The following KDM4C variants were observed in gnomAD, a reference collection of about 807,000 sequenced individuals.
The protein encoded by KDM4C is lysine demethylase 4C, also known as lysine-specific demethylase 4C.
KDM4C carries 81 observed loss-of-function variants against 129.3 expected under a neutral mutation model. The ratio of observed to expected loss-of-function variants is 0.63; its 90% CI spans 0.52 to 0.75. The LOEUF is 0.75. Ranked by LOEUF, KDM4C falls within the 30% of genes least tolerant of loss-of-function variation. The pLI is 0.00. For missense variants in KDM4C, 1,457 were observed against 1,304.0 expected, an observed-to-expected ratio of 1.12 and a Z score of -1.81; for synonymous variants, 573 against 456.1, an observed-to-expected ratio of 1.26 and a Z score of -3.26.
chr9:7,044,578 T>G (rs574254701), intron 15 of KDM4C, among the ~76,000 whole-genome samples: 1 of 151,790 alleles, frequency 6.6e-6, no homozygotes, highest in Non-Finnish European at 1.5e-5. Flanking sequence ...AGAGGAAAAA[T>G]GTGTCCTCCA....
intron 8 of KDM4C, among the ~76,000 whole-genome samples, chr9:6,949,989 T>A (rs923214728): frequency 6.6e-6 from 1 of 151,490 alleles, no homozygotes; most frequent in African/African-American, 2.4e-5. Context: ...GCCCAAGGAG[T>A]CACATTTCTT....
intron 1 of KDM4C, among the ~76,000 whole-genome samples, chr9:6,789,516 G>A (rs959053089): frequency 6.6e-6 from 1 of 151,838 alleles, no homozygotes; most frequent in African/African-American, 2.4e-5. Flanking sequence ...CACTGTGCCC[G>A]GCCACGCCCA....
At position 6,797,487 on chromosome 9, in the gene KDM4C, A is replaced by T. The variant is rs181563907; in HGVS notation, c.144+4355A>T. On this transcript the variant is annotated intron_variant, in intron 2 of 21. Coordinates refer to ENST00000381309, the MANE Select transcript of KDM4C (RefSeq NM_015061.6). ...AGGTTTGACACTTTGACTGTCTACAAAGTTGATGGTCAGGTTGCGAAAGTG... is the reference window on the plus strand; with the variant it reads ...AGGTTTGACACTTTGACTGTCTACATAGTTGATGGTCAGGTTGCGAAAGTG... Among the ~76,000 whole-genome samples, 29 of 152,280 alleles carry T rather than the reference A, an allele frequency of 1.9e-4. No individual in the cohort carries two copies. In the East Asian group the frequency reaches 2.5e-3, roughly 13 times the overall value.
intron 4 of KDM4C, among the ~76,000 whole-genome samples, chr9:6,831,801 C>G (rs1014501780): frequency 6.6e-6 from 1 of 152,126 alleles, no homozygotes; most frequent in Non-Finnish European, 1.5e-5. Flanking sequence ...AAGCTCTACT[C>G]AGTGATGACC....
At chr9:6,810,951 A>T (rs1477139055) in intron 3 of KDM4C, among the ~76,000 whole-genome samples, 1 of 152,192 alleles carries the variant, frequency 6.6e-6, no homozygotes, top group Non-Finnish European at 1.5e-5. Flanking sequence ...TTGTAATGTT[A>T]AACAACTTTT....
chr9:6,801,830 C>T (rs1287311892), intron 2 of KDM4C, among the ~76,000 whole-genome samples: 10 of 152,086 alleles, frequency 6.6e-5, no homozygotes, highest in South Asian at 6.2e-4. Context: ...GTGAGCTGGG[C>T]GCGGTGGCTC....
intron 11 of KDM4C, among the ~76,000 whole-genome samples, chr9:6,989,649 A>G (rs1379610984): frequency 6.6e-6 from 1 of 152,022 alleles, no homozygotes; most frequent in Non-Finnish European, 1.5e-5. Flanking sequence ...AATGGAAAGA[A>G]GTGTTGCAGT....
rs150248846 is a variant in KDM4C, at chr9:7,108,306, G to A, written c.2610+4436G>A. 1.8e-3 allele frequency among the ~76,000 whole-genome samples: 267 copies of A among 152,084 alleles called. 1 individual carries two copies. The highest frequency in any genetic ancestry group is 6.0e-3 in the African/African-American group (250 of 41,498). ...GGCTGGAGCGCAGTGGCATGATCTCGACTCACTGCAACCTCTGCTTCCTGG... is the reference window on the plus strand; with the variant it reads ...GGCTGGAGCGCAGTGGCATGATCTCAACTCACTGCAACCTCTGCTTCCTGG... On this transcript the variant is annotated intron_variant, in intron 18 of 21. Coordinates refer to ENST00000381309, the MANE Select transcript of KDM4C (RefSeq NM_015061.6).
chr9:6,997,634 A>T (rs115136842), intron 12 of KDM4C, among the ~76,000 whole-genome samples: 2,367 of 152,348 alleles, frequency 0.016, 64 homozygotes, highest in African/African-American at 0.054. Context: ...GTTGACTAAC[A>T]GTCAATAGAT....
At chr9:6,945,549 A>G (rs1826807662) in intron 8 of KDM4C, among the ~76,000 whole-genome samples, 1 of 152,190 alleles carries the variant, frequency 6.6e-6, no homozygotes, top group African/African-American at 2.4e-5. Flanking sequence ...TTTAAGTAGG[A>G]TCTACTTGAG....
At chr9:7,014,024 A>C in intron 14 of KDM4C, 23 bp downstream of exon 14, 1 of 1,581,340 alleles carries the variant, frequency 6.3e-7, no homozygotes, top group East Asian at 2.2e-5. Flanking sequence ...ATAATTCATC[A>C]ATCACTGGCT....
chr9:7,011,949 C>T (rs1822791865), intron 13 of KDM4C, 70 bp downstream of exon 13: 2 of 1,318,910 alleles, frequency 1.5e-6, no homozygotes, highest in Non-Finnish European at 2.1e-6. Context: ...CACAAGATCA[C>T]TGTAAATTGT....
chr9:7,017,716 G>A (rs1823940096), intron 15 of KDM4C, among the ~76,000 whole-genome samples: 1 of 152,194 alleles, frequency 6.6e-6, no homozygotes, highest in Non-Finnish European at 1.5e-5. Context: ...GATTTCAGCT[G>A]TAATAGCAGC....
intron 12 of KDM4C, among the ~76,000 whole-genome samples, chr9:7,006,909 A>G (rs1821775486): frequency 6.6e-6 from 1 of 152,214 alleles, no homozygotes; most frequent in Non-Finnish European, 1.5e-5. Flanking sequence ...TCTATAGGCA[A>G]GTTCGTTTAT....
intron 8 of KDM4C, among the ~76,000 whole-genome samples, chr9:6,974,582 T>C (rs1381655913): frequency 2.0e-5 from 3 of 152,210 alleles, no homozygotes; most frequent in Non-Finnish European, 2.9e-5. Flanking sequence ...GGTCTCAAAC[T>C]CCTGACCTCA....
chr9:7,127,919 A>G (rs973495035), intron 18 of KDM4C, 147 bp from the exon 19 acceptor site: 2 of 639,378 alleles, frequency 3.1e-6, no homozygotes, highest in Admixed American at 3.8e-5. Flanking sequence ...TAAGTTTGAA[A>G]TTATTCTTCA....
At chr9:6,867,765 T>C (rs115035152) in intron 5 of KDM4C, among the ~76,000 whole-genome samples, 1,584 of 152,292 alleles carry the variant, frequency 0.01, 20 homozygotes, top group African/African-American at 0.036. Context: ...ACATGTGAAC[T>C]TGACAGAATG....
At chr9:6,883,374 C>A (rs1364769722) in intron 6 of KDM4C, among the ~76,000 whole-genome samples, 2 of 152,134 alleles carry the variant, frequency 1.3e-5, no homozygotes, top group Non-Finnish European at 2.9e-5. Context: ...GCCTTCATGC[C>A]TAACTCATGC....
intron 17 of KDM4C, among the ~76,000 whole-genome samples, chr9:7,052,191 A>G (rs988612852): frequency 1.8e-4 from 27 of 152,228 alleles, no homozygotes; most frequent in Non-Finnish European, 3.2e-4. Flanking sequence ...TTGTTAGCAA[A>G]GCAATAAAGT....
Sources: gnomAD v4.1 joint callset for allele counts (sites outside exome capture counted in the v4.1 genomes callset) on GRCh38, gnomAD v4.1.1 for gene constraint, MANE v1.5 for transcripts, NCBI Gene and HGNC (gene_info 2026-07-23, HGNC 2026-07-21) for gene names.